DNAJC3: variants seen among roughly 807,000 people sequenced by gnomAD.
The protein encoded by DNAJC3 is dnaJ homolog subfamily C member 3.
Under a neutral mutation model 68.6 loss-of-function variants are expected in DNAJC3, and 38 were observed. That is an observed-to-expected ratio of 0.55 (90% CI 0.43 to 0.73). The LOEUF (loss-of-function observed/expected upper bound fraction) is 0.73, where lower values mean the gene tolerates loss of function less well. Ranked by LOEUF, DNAJC3 falls within the 30% of genes least tolerant of loss-of-function variation. The pLI is 0.00. For synonymous variants in DNAJC3, 203 were observed against 204.0 expected (o/e 1.00, Z 0.04); for missense variants, 526 against 591.9 (o/e 0.89, Z 1.16).
At chr13:95,677,375 C>A in intron 1 of DNAJC3, 38 bp downstream of exon 1, 2 of 1,544,704 alleles carry the variant, frequency 1.3e-6, no homozygotes, top group Non-Finnish European at 1.7e-6. Context: ...AGTGGGCTCC[C>A]GGACCAGGCC....
chr13:95,703,298 T>G (rs1281306032), intron 1 of DNAJC3, among the ~76,000 whole-genome samples: 1 of 152,246 alleles, frequency 6.6e-6, no homozygotes, highest in Non-Finnish European at 1.5e-5. Context: ...AACACGATTT[T>G]TTCAGTAAGG....
At chr13:95,688,927 G>GGGGTGTGTGTGT (rs1555321769) in intron 1 of DNAJC3, among the ~76,000 whole-genome samples, 2 of 129,670 alleles carry the variant, frequency 1.5e-5, no homozygotes, top group African/African-American at 6.2e-5. Context: ...TGATTGTGTG[G>GGGGTGTGTGTGT]GTGTGTGTGT....
chr13:95,760,607 G>T lies in DNAJC3; in HGVS notation c.729-72G>T, dbSNP rs1199759779. 17 of 1,531,136 alleles carry T rather than the reference G, an allele frequency of 1.1e-5. No individual in the cohort carries two copies. The East Asian group carries it at 3.7e-4, about 33-fold the overall frequency. 94.8% of individuals were successfully genotyped at this position (1,531,136 alleles called of 1,614,324 possible). The stretch of plus-strand genomic sequence containing the variant: ...GTTGCAAACAAAAAATACTTTTATT[G>T]TGATTTCTGTGGAAAACTACTCATT... On this transcript the variant is annotated intron_variant, in intron 6 of 11. Coordinates refer to ENST00000602402, the MANE Select transcript of DNAJC3 (RefSeq NM_006260.5).
chr13:95,684,134 G>A (rs994589985), intron 1 of DNAJC3, among the ~76,000 whole-genome samples: 2 of 152,116 alleles, frequency 1.3e-5, no homozygotes, highest in Non-Finnish European at 2.9e-5. Context: ...GAAGAGGAAC[G>A]AAAGTTTGAA....
chr13:95,677,576 G>T (rs1200307871), intron 1 of DNAJC3, among the ~76,000 whole-genome samples: 2 of 152,236 alleles, frequency 1.3e-5, no homozygotes, highest in Non-Finnish European at 2.9e-5. Context: ...GAACCGGGCC[G>T]CAGGAGTCGG....
At position 95,760,023 on chromosome 13, in the gene DNAJC3, T is replaced by TAA. The variant is rs1882772792; in HGVS notation, c.547-17_547-16insAA. On this transcript the variant is annotated splice_polypyrimidine_tract_variant and intron_variant, in intron 5 of 11. Transcript: ENST00000602402. The stretch of plus-strand genomic sequence containing the variant: ...TAATTTATTCTTTCTTAAAGTCTAG[T>TAA]TCTTTTGTTCCTCAAGGTTTGTGTT... 6.4e-7 allele frequency: 1 copy of TAA among 1,556,790 alleles called. No homozygotes were observed.
At chr13:95,699,184 T>C (rs1390849267) in intron 1 of DNAJC3, among the ~76,000 whole-genome samples, 1 of 152,196 alleles carries the variant, frequency 6.6e-6, no homozygotes, top group Admixed American at 6.5e-5. Context: ...TAATTAATTC[T>C]CTCTGGATGA....
At chr13:95,718,039 C>T (rs6492817) in intron 2 of DNAJC3, among the ~76,000 whole-genome samples, 47,226 of 151,996 alleles carry the variant, frequency 0.31, 10,830 homozygotes, top group African/African-American at 0.65. Context: ...TTTGATAGTT[C>T]TAGGATTCTG....
chr13:95,742,704 TCTTC>T (rs1882185721), intron 4 of DNAJC3: 1 of 518,902 alleles, frequency 1.9e-6, no homozygotes, highest in African/African-American at 1.9e-5. Flanking sequence ...CTATTTTGGT[TCTTC>T]CTTATGAAGA....
At position 95,755,625 on chromosome 13, in the gene DNAJC3, C is replaced by T. The variant is rs963128335; in HGVS notation, c.394-2019C>T. Among the ~76,000 whole-genome samples the T allele has an allele frequency of 7.3e-5, 11 of 151,360 alleles. No individual in the cohort carries two copies. The East Asian group carries it at 7.8e-4, about 11-fold the overall frequency. On this transcript the variant is annotated intron_variant, in intron 4 of 11. Coordinates refer to ENST00000602402, the MANE Select transcript of DNAJC3 (RefSeq NM_006260.5). Reference sequence around the variant, plus strand: ...TACAAAAATTAGCCGGGCATGGTGGCGGATGCCTGTAGTCCCAGCTACTCA... The same window carrying T: ...TACAAAAATTAGCCGGGCATGGTGGTGGATGCCTGTAGTCCCAGCTACTCA...
chr13:95,722,388 A>G (rs1464732009), intron 2 of DNAJC3, among the ~76,000 whole-genome samples: 1 of 152,068 alleles, frequency 6.6e-6, no homozygotes, highest in African/African-American at 2.4e-5. Context: ...CATTTCTAAA[A>G]CCCTGGACAC....
At chr13:95,766,546 G>T (rs1193743697) in intron 9 of DNAJC3, among the ~76,000 whole-genome samples, 3 of 152,204 alleles carry the variant, frequency 2.0e-5, no homozygotes, top group Non-Finnish European at 4.4e-5. Context: ...ACCTGTGGCT[G>T]TTATATTAAC....
chr13:95,687,917 G>GT (rs1350927021), intron 1 of DNAJC3, among the ~76,000 whole-genome samples: 1 of 152,178 alleles, frequency 6.6e-6, no homozygotes, highest in African/African-American at 2.4e-5. Context: ...AGCATGGAAT[G>GT]TTTTTCCATT....
chr13:95,789,316 A>G, intron 11 of DNAJC3, among the ~76,000 whole-genome samples: 1 of 151,408 alleles, frequency 6.6e-6, no homozygotes, highest in East Asian at 1.9e-4. Context: ...CCCACCCTTC[A>G]CCCTCCAATA....
At chr13:95,710,243 T>G (rs1880913977) in intron 2 of DNAJC3, among the ~76,000 whole-genome samples, 1 of 151,098 alleles carries the variant, frequency 6.6e-6, no homozygotes, top group African/African-American at 2.4e-5. Context: ...CTTTTTTTTT[T>G]TTTTTGCTTT....
At chr13:95,751,662 A>G (rs756975457) in intron 4 of DNAJC3, among the ~76,000 whole-genome samples, 15 of 152,340 alleles carry the variant, frequency 9.8e-5, no homozygotes, top group Non-Finnish European at 1.9e-4. Context: ...AGTCTTTTGG[A>G]ATTTTTGAAG....
chr13:95,763,573 G>T, intron 7 of DNAJC3, 70 bp from the exon 8 acceptor site: 1 of 1,443,614 alleles, frequency 6.9e-7, no homozygotes, highest in Non-Finnish European at 9.5e-7. Context: ...TGGTGAAGAG[G>T]GGAGGAGCCT....
At chr13:95,721,036 A>T (rs551885043) in intron 2 of DNAJC3, among the ~76,000 whole-genome samples, 4 of 152,254 alleles carry the variant, frequency 2.6e-5, no homozygotes, top group East Asian at 1.9e-4. Flanking sequence ...GAAACTCTGC[A>T]TCCATTAAAC....
chr13:95,714,184 C>T (rs1881063232), intron 2 of DNAJC3, among the ~76,000 whole-genome samples: 3 of 152,176 alleles, frequency 2.0e-5, no homozygotes, highest in Admixed American at 2.0e-4. Flanking sequence ...AAGTTACCTG[C>T]AAGTTCCCAG....
Sources: gnomAD v4.1 joint callset for allele counts (sites outside exome capture counted in the v4.1 genomes callset) on GRCh38, gnomAD v4.1.1 for gene constraint, MANE v1.5 for transcripts, NCBI Gene and HGNC (gene_info 2026-07-23, HGNC 2026-07-21) for gene names.